DOCK4: variants seen among roughly 807,000 people sequenced by gnomAD.
DOCK4 encodes the protein dedicator of cytokinesis protein 4.
Under a neutral mutation model 268.1 loss-of-function variants are expected in DOCK4, and 97 were observed. The ratio of observed to expected loss-of-function variants is 0.36; its 90% CI spans 0.31 to 0.43. The LOEUF (loss-of-function observed/expected upper bound fraction) is 0.43. DOCK4 is among the 20% of genes least tolerant of loss of function. The pLI, the probability that DOCK4 is intolerant of heterozygous loss-of-function variation, is 1.00. For missense variants in DOCK4, 2,145 were observed against 2,455.7 expected (o/e 0.87, Z 2.67); for synonymous variants, 954 against 887.2 (o/e 1.08, Z -1.34).
chr7:112,160,893 G>A (rs879730026), intron 1 of DOCK4, among the ~76,000 whole-genome samples: 2 of 151,998 alleles, frequency 1.3e-5, no homozygotes, highest in South Asian at 2.1e-4. Flanking sequence ...GGCTAACATC[G>A]ACTCTGAGCT....
chr7:111,867,252 C>T (rs181583335), intron 22 of DOCK4, among the ~76,000 whole-genome samples: 16 of 152,270 alleles, frequency 1.1e-4, no homozygotes, highest in Admixed American at 9.8e-4. Flanking sequence ...CTTTTTATGT[C>T]CCAGTTCTCA....
chr7:111,752,138 T>C (rs1309563409), intron 42 of DOCK4, among the ~76,000 whole-genome samples: 1 of 152,202 alleles, frequency 6.6e-6, no homozygotes, highest in Non-Finnish European at 1.5e-5. Flanking sequence ...CATCTGAGAT[T>C]TACTTCAAAA....
intron 51 of DOCK4, among the ~76,000 whole-genome samples, chr7:111,733,522 A>G (rs1195441091): frequency 6.6e-6 from 1 of 152,164 alleles, no homozygotes; most frequent in Non-Finnish European, 1.5e-5. Flanking sequence ...ATCTGTATGG[A>G]GAAGCTGATC....
Position 111,811,271 on chromosome 7 carries a change from T to C in DOCK4, c.3006+603A>G, listed in dbSNP as rs527902423. ...AAAGTGTTTAATATGAAATATGTTA[T>C]TCAAAACAGAGTAAGAAGAAAGATG... On this transcript the variant is annotated intron_variant, in intron 28 of 52. Transcript: ENST00000428084. 3.9e-5 allele frequency among the ~76,000 whole-genome samples: 6 copies of C among 152,322 alleles called. No homozygotes were observed. In the East Asian group the frequency reaches 9.6e-4, roughly 24 times the overall value.
At chr7:111,812,339 G>A (rs764743301) in intron 27 of DOCK4, among the ~76,000 whole-genome samples, 14 of 152,170 alleles carry the variant, frequency 9.2e-5, no homozygotes, top group Non-Finnish European at 1.6e-4. Flanking sequence ...GAGTGCAGTG[G>A]CATGATCATA....
intron 13 of DOCK4, among the ~76,000 whole-genome samples, chr7:111,912,916 T>G (rs1466200538): frequency 6.6e-6 from 1 of 152,046 alleles, no homozygotes; most frequent in Non-Finnish European, 1.5e-5. Context: ...CACAAAATTA[T>G]GACTTTCACA....
chr7:112,004,187 TTAC>T (rs1800669646), intron 1 of DOCK4, 56 bp from the exon 2 acceptor site: 1 of 1,322,024 alleles, frequency 7.6e-7, no homozygotes, highest in African/African-American at 1.5e-5. Flanking sequence ...CAGCTTATTA[TTAC>T]ATGTTATTGA....
chr7:111,962,780 G>A (rs538160094), intron 8 of DOCK4, among the ~76,000 whole-genome samples: 20 of 152,174 alleles, frequency 1.3e-4, no homozygotes, highest in South Asian at 6.2e-4. Context: ...GAAAAATGGA[G>A]TTTAATGAAG....
At chr7:111,869,840 A>G (rs1364532364) in intron 20 of DOCK4, among the ~76,000 whole-genome samples, 185 bp from the exon 21 acceptor site, 1 of 152,178 alleles carries the variant, frequency 6.6e-6, no homozygotes, top group Admixed American at 6.5e-5. Context: ...CCCTTTTCAA[A>G]GCTTAAGGGA....
intron 2 of DOCK4, among the ~76,000 whole-genome samples, chr7:112,002,502 CTTA>C (rs1365926361): frequency 6.6e-5 from 10 of 152,102 alleles, no homozygotes; most frequent in Non-Finnish European, 1.0e-4. Context: ...CACAGGAAAT[CTTA>C]TTATATTTTT....
At chr7:111,843,514 A>G (rs763962049) in intron 25 of DOCK4, among the ~76,000 whole-genome samples, 1 of 152,180 alleles carries the variant, frequency 6.6e-6, no homozygotes, top group Non-Finnish European at 1.5e-5. Flanking sequence ...TAAAACTACA[A>G]TAAGATATCA....
intron 1 of DOCK4, among the ~76,000 whole-genome samples, chr7:112,131,277 A>G (rs1478653926): frequency 1.3e-5 from 2 of 152,292 alleles, no homozygotes; most frequent in East Asian, 1.9e-4. Context: ...CATGGTGACT[A>G]CAGTGTCAAG....
intron 5 of DOCK4, among the ~76,000 whole-genome samples, chr7:111,993,550 G>C (rs193049578): frequency 2.0e-5 from 3 of 152,152 alleles, no homozygotes; most frequent in African/African-American, 7.2e-5. Flanking sequence ...TTATTTCTTT[G>C]AGTAGTAATA....
intron 30 of DOCK4, among the ~76,000 whole-genome samples, chr7:111,801,059 T>G (rs747058276): frequency 6.6e-6 from 1 of 152,174 alleles, no homozygotes; most frequent in Non-Finnish European, 1.5e-5. Flanking sequence ...TGCCAGTGAT[T>G]AAAAACTAGG....
At chr7:111,756,352 A>G (rs557526341) in intron 41 of DOCK4, among the ~76,000 whole-genome samples, 1 of 152,030 alleles carries the variant, frequency 6.6e-6, no homozygotes, top group South Asian at 2.1e-4. Context: ...CCTTCTCAAA[A>G]AAATTATTTT....
intron 1 of DOCK4, among the ~76,000 whole-genome samples, chr7:112,101,226 C>T (rs749326158): frequency 6.6e-6 from 1 of 152,214 alleles, no homozygotes; most frequent in East Asian, 1.9e-4. Flanking sequence ...ATAAATTCAG[C>T]TCCATTATCC....
intron 1 of DOCK4, among the ~76,000 whole-genome samples, chr7:112,183,697 T>A (rs1465156712): frequency 6.6e-6 from 1 of 151,726 alleles, no homozygotes; most frequent in Non-Finnish European, 1.5e-5. Flanking sequence ...GGAGTGGGGG[T>A]GAGGGTTGGG....
intron 1 of DOCK4, among the ~76,000 whole-genome samples, chr7:112,014,601 G>C (rs936823608): frequency 6.6e-5 from 10 of 152,174 alleles, no homozygotes; most frequent in Non-Finnish European, 1.2e-4. Context: ...CTACACCTCT[G>C]TGTTTTATAT....
At position 112,017,462 on chromosome 7, in the gene DOCK4, A is replaced by G. The variant is rs553986597; in HGVS notation, c.38-13331T>C. On this transcript the variant is annotated intron_variant, in intron 1 of 52. Coordinates refer to ENST00000428084, the MANE Select transcript of DOCK4 (RefSeq NM_001363540.2). ...GATGGGAGGGATTTATACATAGCAGAGGCAATATAGTATGGGAGAGGTAGA... is the reference window on the plus strand; with the variant it reads ...GATGGGAGGGATTTATACATAGCAGGGGCAATATAGTATGGGAGAGGTAGA... 1.1e-4 allele frequency among the ~76,000 whole-genome samples: 16 copies of G among 152,336 alleles called. No homozygotes were observed. In the East Asian group the frequency reaches 2.3e-3, roughly 22 times the overall value.
Sources: gnomAD v4.1 joint callset for allele counts (sites outside exome capture counted in the v4.1 genomes callset) on GRCh38, gnomAD v4.1.1 for gene constraint, MANE v1.5 for transcripts, NCBI Gene and HGNC (gene_info 2026-07-23, HGNC 2026-07-21) for gene names.